Variants in SPIN1 observed in about 807,000 individuals in gnomAD.
The protein encoded by SPIN1 is spindlin-1.
SPIN1 carries 3 observed loss-of-function variants against 26.0 expected under a neutral mutation model. The ratio of observed to expected loss-of-function variants is 0.12; its 90% CI spans 0.05 to 0.30. SPIN1 has a LOEUF of 0.30. Among genes scored for constraint, SPIN1 ranks in the 10% least tolerant of loss-of-function variants. SPIN1 has a pLI of 1.00. For synonymous variants in SPIN1, 101 were observed against 116.5 expected, an observed-to-expected ratio of 0.87 and a Z score of 0.86; for missense variants, 126 against 333.4, an observed-to-expected ratio of 0.38 and a Z score of 4.84.
chr9:88,409,787 G>T (rs963556276), intron 1 of SPIN1, among the ~76,000 whole-genome samples: 1 of 151,304 alleles, frequency 6.6e-6, no homozygotes, highest in African/African-American at 2.4e-5. Context: ...GCAGTGAGCT[G>T]AGATCGCGCC....
At chr9:88,435,155 T>C (rs1331860289) in intron 2 of SPIN1, among the ~76,000 whole-genome samples, 1 of 152,116 alleles carries the variant, frequency 6.6e-6, no homozygotes, top group Non-Finnish European at 1.5e-5. Context: ...CATGTATGAT[T>C]TTGTGAGATC....
chr9:88,400,035 CG>C (rs1827153522), intron 1 of SPIN1, among the ~76,000 whole-genome samples: 1 of 152,120 alleles, frequency 6.6e-6, no homozygotes, highest in African/African-American at 2.4e-5. Context: ...CTGCCTTTCC[CG>C]GAGAAGCAGC....
intron 2 of SPIN1, among the ~76,000 whole-genome samples, chr9:88,443,641 C>T (rs1382947643): frequency 6.6e-6 from 1 of 152,164 alleles, no homozygotes; most frequent in African/African-American, 2.4e-5. Context: ...TTGAAAGGCG[C>T]AGATGATGTC....
chr9:88,466,426 G>T (rs535889627), intron 4 of SPIN1, among the ~76,000 whole-genome samples: 1 of 152,164 alleles, frequency 6.6e-6, no homozygotes, highest in South Asian at 2.1e-4. Context: ...AAAGTGCTAG[G>T]ATTATAGATG....
chr9:88,448,383 G>A (rs1828293975), intron 2 of SPIN1, among the ~76,000 whole-genome samples: 1 of 151,832 alleles, frequency 6.6e-6, no homozygotes, highest in African/African-American at 2.4e-5. Context: ...ACAAGGTCTT[G>A]CTCTGTCACC....
intron 3 of SPIN1, chr9:88,458,060 A>G (rs1479908603): frequency 1.2e-6 from 1 of 853,746 alleles, no homozygotes; most frequent in Non-Finnish European, 1.4e-6. Flanking sequence ...TTGATTAATC[A>G]CAGATTTTAA....
chr9:88,442,011 A>T (rs1587801384), intron 2 of SPIN1, among the ~76,000 whole-genome samples: 1 of 137,228 alleles, frequency 7.3e-6, no homozygotes, highest in East Asian at 2.1e-4. Context: ...GAGTGCAGTG[A>T]TGTGATGTCG....
chr9:88,401,396 G>A (rs1827184072), intron 1 of SPIN1, among the ~76,000 whole-genome samples: 1 of 152,050 alleles, frequency 6.6e-6, no homozygotes, highest in South Asian at 2.1e-4. Flanking sequence ...TCCATATCAG[G>A]GAATTGGTTC....
intron 1 of SPIN1, among the ~76,000 whole-genome samples, chr9:88,409,897 C>T (rs1169100074): frequency 2.0e-5 from 3 of 152,074 alleles, no homozygotes; most frequent in Non-Finnish European, 4.4e-5. Context: ...TCCCTTTTCC[C>T]TCCTTCTTAA....
At chr9:88,445,518 TTTATTATTATTA>T (rs138265190) in intron 2 of SPIN1, among the ~76,000 whole-genome samples, 2,429 of 134,590 alleles carry the variant, frequency 0.018, 66 homozygotes, top group African/African-American at 0.056. Flanking sequence ...TATTGAGACT[TTTATTATTATTA>T]TTATTATTAT....
chr9:88,431,768 G>A (rs1291580130), intron 2 of SPIN1, among the ~76,000 whole-genome samples: 2 of 152,082 alleles, frequency 1.3e-5, no homozygotes, highest in African/African-American at 4.8e-5. Context: ...AATCCTTTAG[G>A]TCAGGTACAG....
intron 1 of SPIN1, among the ~76,000 whole-genome samples, chr9:88,404,044 A>G (rs1827244441): frequency 6.6e-6 from 1 of 152,184 alleles, no homozygotes; most frequent in South Asian, 2.1e-4. Flanking sequence ...CCTGTATAGT[A>G]TGTGACTGAA....
In SPIN1 at chr9:88,429,952, A is replaced by G. The variant is rs554470337; in HGVS notation, c.52+3361A>G. On this transcript the variant is annotated intron_variant, in intron 2 of 5. Transcript: ENST00000375859. ...AGAGGAGGAGGAAGGCCAAATATAT[A>G]TATTTCACAGTATTACAGAAGTATA... is the stretch of plus-strand genomic sequence containing the variant. Among the ~76,000 whole-genome samples, 42 of 152,268 alleles carry G rather than the reference A, an allele frequency of 2.8e-4. No homozygotes were observed. In the South Asian group the frequency reaches 8.5e-3, roughly 31 times the overall value.
At chr9:88,471,351 T>C (rs551797745) in intron 5 of SPIN1, among the ~76,000 whole-genome samples, 16 of 152,210 alleles carry the variant, frequency 1.1e-4, no homozygotes, top group African/African-American at 3.9e-4. Context: ...TTGAAAAGAC[T>C]ATTCTTTCCC....
chr9:88,405,955 C>T (rs1827296031), intron 1 of SPIN1, among the ~76,000 whole-genome samples: 1 of 151,960 alleles, frequency 6.6e-6, no homozygotes, highest in South Asian at 2.1e-4. Context: ...CACACAATCT[C>T]CCTAGTAATT....
chr9:88,388,655 A>T (rs931077215), intron 1 of SPIN1, 117 bp downstream of exon 1: 5 of 146,732 alleles, frequency 3.4e-5, no homozygotes, highest in African/African-American at 1.2e-4. Context: ...GGCCCGGCGG[A>T]GCATTGTCCA....
chr9:88,461,413 G>A (rs73652568), intron 3 of SPIN1, among the ~76,000 whole-genome samples: 8 of 152,108 alleles, frequency 5.3e-5, no homozygotes, highest in Admixed American at 3.9e-4. Context: ...CTTCTGCGGC[G>A]AGTACTCCTT....
intron 1 of SPIN1, among the ~76,000 whole-genome samples, chr9:88,388,913 C>CGGCGCTGCGCAGTCGGGCGCGGGGAGGG (rs1430975497): frequency 6.7e-6 from 1 of 149,864 alleles, no homozygotes; most frequent in Non-Finnish European, 1.5e-5. Flanking sequence ...CAGGGGGCGG[C>CGGCGCTGCGCAGTCGGGCGCGGGGAGGG]GGCGCTGCGC....
At chr9:88,404,936 A>C (rs113373306) in intron 1 of SPIN1, among the ~76,000 whole-genome samples, 29,181 of 151,350 alleles carry the variant, frequency 0.19, 3,800 homozygotes, top group African/African-American at 0.37. Context: ...AAAACAAAAA[A>C]AAAAAAACTA....
Sources: allele counts gnomAD v4.1 joint callset (sites outside exome capture counted in the v4.1 genomes callset), GRCh38; gene constraint gnomAD v4.1.1; transcripts MANE v1.5; gene names NCBI Gene and HGNC (gene_info 2026-07-23, HGNC 2026-07-21).